CAST: variants seen among roughly 807,000 people sequenced by gnomAD.
CAST encodes MIR583 host.
A neutral mutation model predicts 119.6 loss-of-function variants in CAST; 76 were observed. The observed-to-expected ratio is 0.64, with a 90% CI of 0.53 to 0.77. CAST has a LOEUF of 0.77. Ranked by LOEUF, CAST falls within the 30% of genes least tolerant of loss-of-function variation. The pLI is 0.00. For synonymous variants in CAST, 319 were observed against 331.6 expected (o/e 0.96, Z 0.41); for missense variants, 953 against 946.5 (o/e 1.01, Z -0.09).
chr5:96,458,928 T>C, the CAST span, among the ~76,000 whole-genome samples: 1 of 152,166 alleles, frequency 6.6e-6, no homozygotes, highest in African/African-American at 2.4e-5. Context: ...CAGCATATAT[T>C]GCTTTTAATT....
chr5:96,079,990 G>T, the CAST span, among the ~76,000 whole-genome samples: 1 of 152,156 alleles, frequency 6.6e-6, no homozygotes, highest in African/African-American at 2.4e-5. Flanking sequence ...GTGTGGTTTT[G>T]TAAGTATATT....
At chr5:96,201,051 T>C in the CAST span, among the ~76,000 whole-genome samples, 3 of 152,154 alleles carry the variant, frequency 2.0e-5, no homozygotes, top group Non-Finnish European at 4.4e-5. Flanking sequence ...TAGGCAGATA[T>C]CCAAAGTATT....
the CAST span, among the ~76,000 whole-genome samples, chr5:96,136,339 G>T: frequency 1.4e-5 from 2 of 144,752 alleles, no homozygotes; most frequent in Non-Finnish European, 3.1e-5. Flanking sequence ...TGACATAATT[G>T]CACCTCTTTT....
chr5:96,370,915 C>A, the CAST span, among the ~76,000 whole-genome samples: 41 of 152,180 alleles, frequency 2.7e-4, no homozygotes, highest in African/African-American at 9.2e-4. Context: ...AGCTCCCCAA[C>A]TATGTAGACC....
the CAST span, among the ~76,000 whole-genome samples, chr5:96,223,079 A>T: frequency 2.0e-5 from 3 of 152,206 alleles, no homozygotes; most frequent in South Asian, 6.2e-4. Flanking sequence ...AACCTCATGG[A>T]GATAGGACTA....
the CAST span, among the ~76,000 whole-genome samples, chr5:96,143,113 G>C: frequency 1.3e-5 from 2 of 152,168 alleles, no homozygotes; most frequent in East Asian, 3.8e-4. Flanking sequence ...ACAACTAAAA[G>C]TAAATTGCTG....
rs748342783 is a variant in CAST, at chr5:96,750,730, GCCT to G, written c.1524+55_1524+57del. 1.1e-5 allele frequency: 11 copies of G among 1,040,120 alleles called. No homozygotes were observed. In the African/African-American group the frequency reaches 1.7e-4, roughly 16 times the overall value. 64.4% of individuals were successfully genotyped at this position (1,040,120 alleles called of 1,614,324 possible). ...GAGCAGTGGCTTGAGAAAGTTTTCTGCCTCCTCCTGTCACTCTCTGCTGTGTAT... is the reference window on the plus strand; with the variant it reads ...GAGCAGTGGCTTGAGAAAGTTTTCTGCCTCCTGTCACTCTCTGCTGTGTAT... On this transcript the variant is annotated intron_variant, in intron 20 of 31. Coordinates refer to ENST00000675179, the MANE Select transcript of CAST (RefSeq NM_001750.7).
At chr5:96,711,814 G>C (rs529922249) in intron 3 of CAST, among the ~76,000 whole-genome samples, 13 of 152,302 alleles carry the variant, frequency 8.5e-5, no homozygotes, top group African/African-American at 3.1e-4. Context: ...TCTTAGGACT[G>C]CTGAAATTCT....
chr5:96,280,227 G>A, the CAST span, among the ~76,000 whole-genome samples: 1 of 151,916 alleles, frequency 6.6e-6, no homozygotes, highest in African/African-American at 2.4e-5. Context: ...TCATTCTCTG[G>A]TACTCAACGT....
At chr5:96,591,987 C>T (rs1746969655) in intron 1 of CAST, among the ~76,000 whole-genome samples, 2 of 151,992 alleles carry the variant, frequency 1.3e-5, no homozygotes, top group Non-Finnish European at 2.9e-5. Context: ...ATCAGCAAGC[C>T]CAAATATCAA....
chr5:96,746,868 C>G (rs1763864623), intron 17 of CAST, among the ~76,000 whole-genome samples: 2 of 152,134 alleles, frequency 1.3e-5, no homozygotes, highest in African/African-American at 2.4e-5. Context: ...GGTAGACTAA[C>G]TCCTGTCATT....
chr5:96,120,702 G>A, the CAST span, among the ~76,000 whole-genome samples: 24 of 146,846 alleles, frequency 1.6e-4, no homozygotes, highest in African/African-American at 5.7e-4. Flanking sequence ...ATATTAATGT[G>A]CCAAGCATTA....
the CAST span, among the ~76,000 whole-genome samples, chr5:96,067,217 A>G: frequency 1.3e-5 from 2 of 152,164 alleles, no homozygotes; most frequent in Non-Finnish European, 2.9e-5. Flanking sequence ...ATTTCAAGCA[A>G]TCTTGTGCTT....
intron 1 of CAST, among the ~76,000 whole-genome samples, chr5:96,543,685 T>A (rs1285413977): frequency 6.6e-6 from 1 of 152,222 alleles, no homozygotes; most frequent in Non-Finnish European, 1.5e-5. Context: ...TCACCCAGAA[T>A]TTCCCCTACA....
the CAST span, among the ~76,000 whole-genome samples, chr5:96,372,513 G>A: frequency 4.3e-4 from 65 of 152,136 alleles, no homozygotes; most frequent in Admixed American, 9.8e-4. Flanking sequence ...TATTTCTAGG[G>A]AGGCCAGACC....
chr5:96,113,574 G>A, the CAST span, among the ~76,000 whole-genome samples: 2 of 152,360 alleles, frequency 1.3e-5, no homozygotes, highest in Non-Finnish European at 2.9e-5. Context: ...AGGAACTTAA[G>A]GCCATTTTCT....
At chr5:96,662,653 G>GGTGGCT (rs1748703853) in intron 1 of CAST, among the ~76,000 whole-genome samples, 156 bp downstream of exon 1, 1 of 151,714 alleles carries the variant, frequency 6.6e-6, no homozygotes, top group Admixed American at 6.6e-5. Flanking sequence ...GCCGCTGCCA[G>GGTGGCT]GCAGGTGGCT....
intron 1 of CAST, among the ~76,000 whole-genome samples, chr5:96,543,993 G>A (rs1745960338): frequency 6.6e-6 from 1 of 152,176 alleles, no homozygotes; most frequent in Non-Finnish European, 1.5e-5. Flanking sequence ...TTGAAGTGAG[G>A]TAATGTCAGT....
At chr5:95,992,393 G>C in the CAST span, among the ~76,000 whole-genome samples, 2 of 151,072 alleles carry the variant, frequency 1.3e-5, no homozygotes, top group African/African-American at 4.9e-5. Context: ...GATGAGAGGG[G>C]TACTTCTCTA....
Sources: gnomAD v4.1 joint callset for allele counts (sites outside exome capture counted in the v4.1 genomes callset) on GRCh38, gnomAD v4.1.1 for gene constraint, MANE v1.5 for transcripts, NCBI Gene and HGNC (gene_info 2026-07-23, HGNC 2026-07-21) for gene names.